HERC2: variants seen among roughly 807,000 people sequenced by gnomAD.
HERC2 encodes HECT and RLD domain containing E3 ubiquitin protein ligase 2.
Under a neutral mutation model 537.7 loss-of-function variants are expected in HERC2, and 102 were observed. The ratio of observed to expected loss-of-function variants is 0.19; its 90% CI spans 0.16 to 0.22. HERC2 has a LOEUF of 0.22. Among genes scored for constraint, HERC2 ranks in the 10% least tolerant of loss-of-function variants. The probability of loss-of-function intolerance (pLI) is 1.00; values close to 1 mark genes in which losing one functional copy is unlikely to be tolerated. For synonymous variants in HERC2, 2,224 were observed against 2,466.2 expected, an observed-to-expected ratio of 0.90 and a Z score of 2.91; for missense variants, 4,236 against 6,198.2, an observed-to-expected ratio of 0.68 and a Z score of 10.63.
At chr15:28,259,828 C>T (rs1421702487) in intron 16 of HERC2, among the ~76,000 whole-genome samples, 2 of 151,366 alleles carry the variant, frequency 1.3e-5, no homozygotes, top group South Asian at 2.1e-4. Flanking sequence ...ATTAGCCAGG[C>T]ATGGTAGTGC....
At chr15:28,133,018 C>T (rs1027842353) in intron 79 of HERC2, among the ~76,000 whole-genome samples, 188 bp from the exon 80 acceptor site, 2 of 152,096 alleles carry the variant, frequency 1.3e-5, no homozygotes, top group South Asian at 2.1e-4. Context: ...CCAGAGGACA[C>T]GGCTTCCCCA....
intron 86 of HERC2, 180 bp from the exon 87 acceptor site, chr15:28,117,334 A>G: frequency 1.4e-6 from 1 of 720,380 alleles, no homozygotes; most frequent in Non-Finnish European, 2.5e-6. Flanking sequence ...TCGACTGTGG[A>G]CACCCGAGAC....
In HERC2 at chr15:28,251,443, G is replaced by A. The variant is rs138051310; in HGVS notation, c.3051-2707C>T. On this transcript the variant is annotated intron_variant, in intron 20 of 92. Coordinates refer to ENST00000261609, the MANE Select transcript of HERC2 (RefSeq NM_004667.6). Reference sequence around the variant, plus strand: ...GGGCAACAGAGTGAGGCTCCATCTCGGGGGAAAAAAATTGTCCTTAGTCAC... The same window carrying A: ...GGGCAACAGAGTGAGGCTCCATCTCAGGGGAAAAAAATTGTCCTTAGTCAC... Among the ~76,000 whole-genome samples, 597 of 146,162 alleles carry A rather than the reference G, an allele frequency of 4.1e-3. 4 individuals are homozygous for A. Among genetic ancestry groups the A allele is most frequent in the African/African-American group, 0.014 (563 of 39,360 alleles).
At chr15:28,237,526 T>A (rs542176462) in intron 25 of HERC2, among the ~76,000 whole-genome samples, 5 of 152,240 alleles carry the variant, frequency 3.3e-5, no homozygotes, top group Admixed American at 3.3e-4. Flanking sequence ...ACCACACATG[T>A]AGAGGAAATG....
intron 2 of HERC2, among the ~76,000 whole-genome samples, chr15:28,312,109 C>T (rs2076960321): frequency 6.6e-6 from 1 of 152,278 alleles, no homozygotes; most frequent in Admixed American, 6.5e-5. Context: ...GAACTGATGA[C>T]CCAAATAAAT....
Position 28,238,221 on chromosome 15 carries a change from A to C in HERC2, c.3749-4T>G. 1.3e-6 allele frequency: 2 copies of C among 1,565,458 alleles called. No individual in the cohort carries two copies. Among genetic ancestry groups the C allele is most frequent in the African/African-American group, 2.7e-5 (2 of 74,088 alleles). On this transcript the variant is annotated splice_region_variant and splice_polypyrimidine_tract_variant and intron_variant, in intron 24 of 92. Coordinates refer to ENST00000261609, the MANE Select transcript of HERC2 (RefSeq NM_004667.6). ...GGGTCTTCCCCTGCAAACTGAGCTGAAACAAAAAGGGAAAAAGCAACATGA... is the reference window on the plus strand; with the variant it reads ...GGGTCTTCCCCTGCAAACTGAGCTGCAACAAAAAGGGAAAAAGCAACATGA...
At chr15:28,167,182 G>A (rs1894229687) in intron 68 of HERC2, among the ~76,000 whole-genome samples, 2 of 152,210 alleles carry the variant, frequency 1.3e-5, no homozygotes, top group African/African-American at 4.8e-5. Context: ...CACACTTACT[G>A]ACTTCCAGTG....
chr15:28,199,248 C>T (rs537599672), intron 48 of HERC2, among the ~76,000 whole-genome samples: 23 of 152,244 alleles, frequency 1.5e-4, no homozygotes, highest in Admixed American at 3.3e-4. Flanking sequence ...GGCTTTGTGT[C>T]TCAGGCAGGA....
rs375731096 is a variant in HERC2 at position 28,192,141 on chromosome 15, C to T, written c.8271G>A (p.Ala2757=). The T allele has an allele frequency of 3.1e-6, 5 of 1,612,506 alleles. No homozygotes were observed. Among genetic ancestry groups the T allele is most frequent in the Middle Eastern group, 1.6e-4 (1 of 6,084 alleles). Residue 2757 remains alanine (A), a synonymous_variant, in exon 53 of 93, where the codon GCG becomes GCA. Transcript: ENST00000261609. ...GTTTTCCAGAACGGCCACAAAATAC[C>T]GCAGACTGACCTATTTCGTGATAGT... The part of the protein sequence containing the change: ...FGRINEPGQS[A]VFCGRSGKQL...
At chr15:28,252,415 C>T (rs1298860399) in intron 20 of HERC2, among the ~76,000 whole-genome samples, 3 of 152,086 alleles carry the variant, frequency 2.0e-5, no homozygotes, top group African/African-American at 2.4e-5. Context: ...AAGCAGCCTC[C>T]TCAGAAAAGG....
rs1892568890 is a variant in HERC2 at position 28,152,606 on chromosome 15, A to T, written c.10900+71T>A. ...AAATGGAGATGGTTGTTTCTACTGA[A>T]GCAATTACAGAATCACATCATTCTG... On this transcript the variant is annotated intron_variant, in intron 70 of 92. Coordinates refer to ENST00000261609, the MANE Select transcript of HERC2 (RefSeq NM_004667.6). The T allele has an allele frequency of 6.1e-6, 8 of 1,308,658 alleles. No homozygotes were observed. The South Asian group carries it at 1.3e-4, about 21-fold the overall frequency. The allele number at this position is 1,308,658 out of a possible 1,614,324, so 81.1% of individuals were successfully genotyped here.
chr15:28,133,352 A>C (rs1436653029), intron 79 of HERC2, among the ~76,000 whole-genome samples: 1 of 152,188 alleles, frequency 6.6e-6, no homozygotes, highest in Non-Finnish European at 1.5e-5. Flanking sequence ...TATTTTGGCT[A>C]TCAGACCTTA....
chr15:28,289,878 T>C (rs994166020), intron 4 of HERC2, among the ~76,000 whole-genome samples: 8 of 151,592 alleles, frequency 5.3e-5, no homozygotes, highest in Non-Finnish European at 1.0e-4. Flanking sequence ...GGACGACACA[T>C]CTGAGAGGAA....
At chr15:28,255,841 C>G in intron 19 of HERC2, 31 bp downstream of exon 19, 2 of 1,592,676 alleles carry the variant, frequency 1.3e-6, no homozygotes, top group Non-Finnish European at 1.7e-6. Context: ...CTCAGTGCAC[C>G]ACCAGGTCAC....
rs1046618159 is a variant in HERC2 at position 28,122,579 on chromosome 15, G to A, written c.13189-1150C>T. On this transcript the variant is annotated intron_variant, in intron 85 of 92. Transcript: ENST00000261609. This position sits in a 1 kb window ranked among gnomAD's most constrained non-coding sequence, Gnocchi z 4.1. The stretch of plus-strand genomic sequence containing the variant: ...AGAGGCCCTGCCTGGACCTCAGGGC[G>A]GCTCCCCCTCCACAGGAGCACTCCC... Among the ~76,000 whole-genome samples the A allele has an allele frequency of 1.3e-5, 2 of 152,036 alleles. No homozygotes were observed. The highest frequency in any genetic ancestry group is 2.4e-5 in the African/African-American group (1 of 41,410).
chr15:28,215,944 C>CA, intron 38 of HERC2, 142 bp from the exon 39 acceptor site: 4 of 611,696 alleles, frequency 6.5e-6, no homozygotes, highest in Non-Finnish European at 8.2e-6. Context: ...TAAATTAATT[C>CA]AAACTAATTC....
chr15:28,248,070 C>A (rs185789588), intron 21 of HERC2, among the ~76,000 whole-genome samples: 4 of 152,246 alleles, frequency 2.6e-5, no homozygotes, highest in Middle Eastern at 3.4e-3. Flanking sequence ...GGGATTATCC[C>A]AAGTCTGCAG....
At position 28,121,657 on chromosome 15, in the gene HERC2, G is replaced by T. The variant is rs191379778; in HGVS notation, c.13189-228C>A. Among the ~76,000 whole-genome samples, 514 of 152,328 alleles carry T rather than the reference G, an allele frequency of 3.4e-3. 5 individuals carry two copies. Among genetic ancestry groups the T allele is most frequent in the African/African-American group, 0.012 (488 of 41,560 alleles). Reference sequence around the variant, plus strand: ...GTGCCAATGGCCGGGCAAGAGGCAGGTCCCTCAGGAAACTACCTCCACCCA... The same window carrying T: ...GTGCCAATGGCCGGGCAAGAGGCAGTTCCCTCAGGAAACTACCTCCACCCA... On this transcript the variant is annotated intron_variant, in intron 85 of 92. Coordinates refer to ENST00000261609, the MANE Select transcript of HERC2 (RefSeq NM_004667.6).
At chr15:28,232,983 C>T (rs548070139) in intron 30 of HERC2, among the ~76,000 whole-genome samples, 163 bp downstream of exon 30, 9 of 152,252 alleles carry the variant, frequency 5.9e-5, no homozygotes, top group Non-Finnish European at 1.3e-4. Context: ...GAAAAACAAG[C>T]GAGATTTCTG....
Sources: allele counts gnomAD v4.1 joint callset (sites outside exome capture counted in the v4.1 genomes callset), GRCh38; gene constraint gnomAD v4.1.1; non-coding constraint Gnocchi (gnomAD v3.1); transcripts MANE v1.5; gene names NCBI Gene and HGNC (gene_info 2026-07-23, HGNC 2026-07-21).